The following PON1 variants were observed in gnomAD, a reference collection of about 807,000 sequenced individuals.
The protein encoded by PON1 is serum paraoxonase/arylesterase 1.
In PON1, 37 loss-of-function variants were observed where a neutral mutation model predicts 39.2. The ratio of observed to expected loss-of-function variants is 0.94; its 90% CI spans 0.73 to 1.24. The LOEUF is 1.24. Ranked by LOEUF, PON1 falls within the 50% of genes most tolerant of loss-of-function variation. The probability of loss-of-function intolerance (pLI) is 0.00; values close to 1 mark genes in which losing one functional copy is unlikely to be tolerated. For missense variants in PON1, 397 were observed against 413.5 expected (o/e 0.96, Z 0.35); for synonymous variants, 148 against 152.2 (o/e 0.97, Z 0.21).
intron 8 of PON1, 33 bp downstream of exon 8, chr7:95,302,172 A>C: frequency 1.3e-6 from 2 of 1,580,144 alleles, no homozygotes; most frequent in Non-Finnish European, 1.7e-6. Context: ...GCTGGGAATA[A>C]AGTCACTTAT....
At chr7:95,317,554 A>G (rs1436815995) in intron 2 of PON1, among the ~76,000 whole-genome samples, 2 of 145,292 alleles carry the variant, frequency 1.4e-5, no homozygotes, top group African/African-American at 2.6e-5. Context: ...ATCAACTGAG[A>G]TGAATAATTC....
At chr7:95,319,651 T>C (rs1807852996) in intron 1 of PON1, among the ~76,000 whole-genome samples, 1 of 152,160 alleles carries the variant, frequency 6.6e-6, no homozygotes, top group South Asian at 2.1e-4. Context: ...CAAAGGAAAG[T>C]TGGAATCTGT....
intron 5 of PON1, among the ~76,000 whole-genome samples, chr7:95,310,917 T>C (rs1256103282): frequency 1.3e-5 from 2 of 152,140 alleles, no homozygotes; most frequent in Non-Finnish European, 2.9e-5. Flanking sequence ...TTTCACCATA[T>C]GTTACATGAA....
chr7:95,315,526 A>G (rs1357824926), intron 3 of PON1, 36 bp from the exon 4 acceptor site: 2 of 1,601,902 alleles, frequency 1.2e-6, no homozygotes, highest in Admixed American at 3.3e-5. Flanking sequence ...CAAGCACAAT[A>G]CCAGTACTTC....
chr7:95,314,931 T>C (rs1807733727), intron 4 of PON1, among the ~76,000 whole-genome samples: 1 of 152,182 alleles, frequency 6.6e-6, no homozygotes, highest in Admixed American at 6.5e-5. Context: ...CCATGGTGAC[T>C]TTCTGTCACT....
In PON1 at chr7:95,324,438, C is replaced by T. The variant is rs969770739; in HGVS notation, c.38G>A (p.Gly13Glu). 1.2e-6 allele frequency: 2 copies of T among 1,614,168 alleles called. No individual in the cohort carries two copies. Among genetic ancestry groups the T allele is most frequent in the Admixed American group, 3.3e-5 (2 of 60,026 alleles). Residue 13 changes from glycine to glutamate, a missense_variant, in exon 1 of 9, where the codon GGA becomes GAA. By Grantham distance (98) the Gly-to-Glu change is moderately conservative (BLOSUM62 -2). Transcript: ENST00000222381. The part of the protein sequence containing the change: ...KLIALTLLGM[G>E]LALFRNHQSS... ...CTGGTGGTTCCTGAAGAGTGCCAGT[C>T]CCATCCCCAAGAGGGTGAGCGCAAT...
chr7:95,324,276 A>T (rs543407276), intron 1 of PON1, 126 bp downstream of exon 1: 1 of 832,830 alleles, frequency 1.2e-6, no homozygotes, highest in Non-Finnish European at 2.1e-6. Flanking sequence ...ACCCCCGCAG[A>T]GTGTGCATCT....
intron 4 of PON1, among the ~76,000 whole-genome samples, chr7:95,312,049 G>A (rs938950190): frequency 6.6e-5 from 10 of 152,312 alleles, no homozygotes; most frequent in Non-Finnish European, 1.2e-4. Context: ...GGATAAGTGG[G>A]ACTTTAAGAA....
rs1375848807 is a variant in PON1, at chr7:95,316,728, A to G, written c.201+6T>C. 3.7e-6 allele frequency: 6 copies of G among 1,611,966 alleles called. No homozygotes were observed. The highest frequency in any genetic ancestry group is 5.1e-6 in the Non-Finnish European group (6 of 1,178,044). ...AGAACACAGAAAAGTGAAAGAAAAC[A>G]CTCACAGAGCTAATGAAAGCCAGTC... On this transcript the variant is annotated splice_donor_region_variant and intron_variant, in intron 3 of 8. Transcript: ENST00000222381.
intron 7 of PON1, among the ~76,000 whole-genome samples, chr7:95,304,356 G>C (rs1807496518): frequency 2.4e-5 from 3 of 125,544 alleles, no homozygotes; most frequent in African/African-American, 9.6e-5. Context: ...TTTTTAGATG[G>C]CGTTTTGCTC....
At chr7:95,306,455 G>GAACT in intron 6 of PON1, 89 bp from the exon 7 acceptor site, 1 of 964,934 alleles carries the variant, frequency 1.0e-6, no homozygotes, top group East Asian at 2.4e-5. Context: ...TCATAGGGAA[G>GAACT]AACTTTGCTT....
rs770284447 is a variant in PON1 at position 95,315,384 on chromosome 7, G to A, written c.308C>T (p.Thr103Ile). 1 of 1,613,560 alleles carries A rather than the reference G, an allele frequency of 6.2e-7. No homozygotes were observed. The highest frequency in any genetic ancestry group is 1.1e-5 in the South Asian group (1 of 91,068). Reference protein sequence around the residue: ...EDPTVLELGITGSKFDVSSFN... With the variant: ...EDPTVLELGIIGSKFDVSSFN... ...TGAAGATACATCAAATTTACTTCCAGTGATCCCCAATTCCAACACTGTTGG... is the reference window on the plus strand; with the variant it reads ...TGAAGATACATCAAATTTACTTCCAATGATCCCCAATTCCAACACTGTTGG... Residue 103 changes from threonine to isoleucine, a missense_variant, in exon 4 of 9, where the codon ACT becomes ATT. Transcript: ENST00000222381.
intron 1 of PON1, among the ~76,000 whole-genome samples, chr7:95,322,342 G>A (rs1473362688): frequency 7.5e-6 from 1 of 133,940 alleles, no homozygotes; most frequent in Non-Finnish European, 1.6e-5. Flanking sequence ...GTGTGTGTGT[G>A]TGTGTGTGTA....
chr7:95,320,999 G>A (rs1807884877), intron 1 of PON1, among the ~76,000 whole-genome samples: 1 of 152,318 alleles, frequency 6.6e-6, no homozygotes, highest in African/African-American at 2.4e-5. Flanking sequence ...TGGTTAGAAA[G>A]TTCAGGATTG....
chr7:95,299,069 G>C lies in PON1; in HGVS notation c.943C>G (p.Pro315Ala), dbSNP rs778690094. The C allele has an allele frequency of 6.2e-7, 1 of 1,613,986 alleles. No homozygotes were observed. The highest frequency in any genetic ancestry group is 1.3e-5 in the African/African-American group (1 of 74,916). ...TCTGCATAAACCTGTGTCACTTTAG[G>C]TTCTTCTGTTAGAATGTTCTGGATT... ...LRIQNILTEE[P>A]KVTQVYAENG... is the part of the protein sequence containing the mutation. The change falls in exon 9 of 9, where the codon CCT becomes GCT. Residue 315 changes from proline (P) to alanine (A), a missense_variant. By Grantham distance (27) the Pro-to-Ala change is conservative. Transcript: ENST00000222381.
intron 1 of PON1, among the ~76,000 whole-genome samples, chr7:95,321,991 T>C (rs979849659): frequency 1.3e-5 from 2 of 152,144 alleles, no homozygotes; most frequent in Non-Finnish European, 2.9e-5. Flanking sequence ...TTCATTCCTA[T>C]AACCTCCAGC....
chr7:95,299,195 A>AATCTT (rs1807362221), intron 8 of PON1, 93 bp from the exon 9 acceptor site: 1 of 1,257,284 alleles, frequency 8.0e-7, no homozygotes, highest in African/African-American at 1.5e-5. Context: ...GAAGCCATAT[A>AATCTT]ATCTTATACA....
At chr7:95,320,387 C>T (rs1807870087) in intron 1 of PON1, among the ~76,000 whole-genome samples, 1 of 152,152 alleles carries the variant, frequency 6.6e-6, no homozygotes, top group Admixed American at 6.5e-5. Context: ...CCAGGGTGGG[C>T]AAGGGGGCAT....
rs1180724385 is a variant in PON1, at chr7:95,316,770, CAA to C, written c.163_164del (p.Leu55GlyfsTer5). The C allele has an allele frequency of 6.2e-7, 1 of 1,613,434 alleles. No homozygotes were observed. On this transcript the variant is annotated frameshift_variant, in exon 3 of 9. Transcript: ENST00000222381. LOFTEE classifies it high-confidence loss of function. ...VKGIETGSEDLEILPNGLAFI... is the reference protein window; with the variant it reads ...VKGIETGSEDXEILPNGLAFI... The stretch of plus-strand genomic sequence containing the variant: ...AAGCCAGTCCATTAGGCAGTATCTC[CAA>C]GTCTTCAGAGCCAGTTTCTGCCAGA...
Sources: allele counts gnomAD v4.1 joint callset (sites outside exome capture counted in the v4.1 genomes callset), GRCh38; gene constraint gnomAD v4.1.1; transcripts MANE v1.5; gene names NCBI Gene and HGNC (gene_info 2026-07-23, HGNC 2026-07-21).